Variants in MGARP observed in about 807,000 individuals in gnomAD.
MGARP encodes the protein mitochondria localized glutamic acid rich protein, also known as protein MGARP.
MGARP carries 12 observed loss-of-function variants against 11.0 expected under a neutral mutation model. That is an observed-to-expected ratio of 1.09 (90% CI 0.70 to 1.77). MGARP has a LOEUF of 1.77. Among genes scored for constraint, MGARP ranks in the 40% most tolerant of loss-of-function variants. The probability of loss-of-function intolerance (pLI) is 0.00; values close to 1 mark genes in which losing one functional copy is unlikely to be tolerated. For missense variants in MGARP, 283 were observed against 297.8 expected (o/e 0.95, Z 0.36); for synonymous variants, 110 against 115.4 (o/e 0.95, Z 0.30).
intron 2 of MGARP, among the ~76,000 whole-genome samples, chr4:139,269,209 A>G (rs1160064936): frequency 4.6e-5 from 7 of 152,022 alleles, no homozygotes; most frequent in African/African-American, 1.7e-4. Context: ...GAATTATGCT[A>G]CAACCAGAAT....
chr4:139,273,517 T>C (rs1026671495), intron 2 of MGARP, among the ~76,000 whole-genome samples: 1 of 146,446 alleles, frequency 6.8e-6, no homozygotes, highest in African/African-American at 2.5e-5. Context: ...ATTCTTTTTT[T>C]TTTTTTTTTT....
At chr4:139,275,218 G>T (rs980866902) in intron 2 of MGARP, 71 bp downstream of exon 2, 31 of 1,222,712 alleles carry the variant, frequency 2.5e-5, no homozygotes, top group Non-Finnish European at 3.7e-5. Flanking sequence ...TGATCTTGAC[G>T]TTGCTTTGAG....
At chr4:139,274,648 A>T (rs1744840516) in intron 2 of MGARP, among the ~76,000 whole-genome samples, 1 of 151,882 alleles carries the variant, frequency 6.6e-6, no homozygotes, top group Non-Finnish European at 1.5e-5. Flanking sequence ...CATGCTGGCT[A>T]ATTTCTGCAT....
chr4:139,275,224 T>G, intron 2 of MGARP, 65 bp downstream of exon 2: 2 of 1,358,574 alleles, frequency 1.5e-6, no homozygotes, highest in Non-Finnish European at 2.1e-6. Flanking sequence ...TGACGTTGCT[T>G]TGAGCTTTAC....
At position 139,272,759 on chromosome 4, in the gene MGARP, T is replaced by C. The variant is rs745611728; in HGVS notation, c.186+2530A>G. Among the ~76,000 whole-genome samples, 5 of 143,734 alleles carry C rather than the reference T, an allele frequency of 3.5e-5. 1 individual carries two copies. Among genetic ancestry groups the C allele is most frequent in the Non-Finnish European group, 7.5e-5 (5 of 66,464 alleles). 94.3% of individuals were successfully genotyped at this position (143,734 alleles called of 152,430 possible). On this transcript the variant is annotated intron_variant, in intron 2 of 3. Coordinates refer to ENST00000398955, the MANE Select transcript of MGARP (RefSeq NM_032623.4). The stretch of plus-strand genomic sequence containing the variant: ...CTGAGTGCAGTGGTGCAATCTTGGC[T>C]CACTGCAACCTCCGCCTCCCCGGTT...
At chr4:139,276,278 G>A (rs1744872304) in intron 1 of MGARP, among the ~76,000 whole-genome samples, 1 of 152,164 alleles carries the variant, frequency 6.6e-6, no homozygotes, top group African/African-American at 2.4e-5. Context: ...AGACAGATAA[G>A]GTCCCTAGTC....
chr4:139,266,914 T>A lies in MGARP; in HGVS notation c.408A>T (p.Ala136=), dbSNP rs1250141564. 3 of 1,614,090 alleles carry A rather than the reference T, an allele frequency of 1.9e-6. No homozygotes were observed. The highest frequency in any genetic ancestry group is 2.5e-6 in the Non-Finnish European group (3 of 1,180,046). ...CCTCCACGTGACCTGGACAGGCAGA[T>A]GCCTCTTTTATGACCACAACTGTAG... is the stretch of plus-strand genomic sequence containing the variant. The part of the protein sequence containing the change: ...PSATVVVIKE[A]SACPGHVEAA... The change falls in exon 4 of 4, where the codon GCA becomes GCT. Residue 136 remains alanine, a synonymous_variant. Transcript: ENST00000398955.
Position 139,268,746 on chromosome 4 carries a change from G to C in MGARP, c.206C>G (p.Ser69Ter), listed in dbSNP as rs1744733765. The C allele has an allele frequency of 6.2e-7, 1 of 1,609,878 alleles. No individual in the cohort carries two copies. Among genetic ancestry groups the C allele is most frequent in the Non-Finnish European group, 8.5e-7 (1 of 1,178,414 alleles). Residue 69 changes from serine (S) to a stop codon, truncating the protein, a stop_gained, in exon 3 of 4, where the codon TCA (serine) becomes TGA (stop). Transcript: ENST00000398955. LOFTEE classifies it high-confidence loss of function. ...ATGTTCTGTGTGTTTGGCTTGGTCT[G>C]ATGTGACTGTCTTGTAAGCCTGAAA... Reference protein sequence around the residue: ...GGYYAYKTVTSDQAKHTEHKT... With the variant: ...GGYYAYKTVT
chr4:139,269,156 A>G (rs1156816237), intron 2 of MGARP, among the ~76,000 whole-genome samples: 2 of 152,342 alleles, frequency 1.3e-5, no homozygotes, highest in South Asian at 4.1e-4. Flanking sequence ...AAATAGATGC[A>G]CTATCTTAGC....
intron 2 of MGARP, among the ~76,000 whole-genome samples, chr4:139,271,879 G>C (rs961102240): frequency 3.9e-5 from 6 of 152,164 alleles, no homozygotes; most frequent in African/African-American, 1.4e-4. Flanking sequence ...AGGGATGGCT[G>C]GTTTATAAAT....
chr4:139,271,426 C>T (rs533963242), intron 2 of MGARP, among the ~76,000 whole-genome samples: 4 of 151,956 alleles, frequency 2.6e-5, no homozygotes, highest in South Asian at 2.1e-4. Flanking sequence ...CTCAGGGGGC[C>T]GAGGCAGGAG....
chr4:139,274,400 T>C (rs1368738433), intron 2 of MGARP, among the ~76,000 whole-genome samples: 1 of 152,070 alleles, frequency 6.6e-6, no homozygotes, highest in Non-Finnish European at 1.5e-5. Flanking sequence ...TATATGGAAG[T>C]TTCTGTACTT....
chr4:139,273,058 T>G (rs538597032), intron 2 of MGARP, among the ~76,000 whole-genome samples: 3 of 152,092 alleles, frequency 2.0e-5, no homozygotes, highest in African/African-American at 7.2e-5. Flanking sequence ...GAATTTCTGC[T>G]TATTCTACTT....
intron 3 of MGARP, 108 bp from the exon 4 acceptor site, chr4:139,267,149 T>A: frequency 9.6e-7 from 1 of 1,039,022 alleles, no homozygotes; most frequent in Non-Finnish European, 1.4e-6. Flanking sequence ...CACTGATGTG[T>A]AACAGTCTTC....
chr4:139,272,400 CA>C (rs1222137124), intron 2 of MGARP, among the ~76,000 whole-genome samples: 7 of 149,802 alleles, frequency 4.7e-5, no homozygotes, highest in African/African-American at 7.3e-5. Flanking sequence ...ACTAAAAATA[CA>C]AAAAAAAATT....
intron 1 of MGARP, among the ~76,000 whole-genome samples, chr4:139,278,703 C>A (rs1744911396): frequency 6.6e-6 from 1 of 152,168 alleles, no homozygotes; most frequent in African/African-American, 2.4e-5. Flanking sequence ...CTCAACAGAA[C>A]AGTCCCGTTA....
At chr4:139,273,519 T>G (rs141624620) in intron 2 of MGARP, among the ~76,000 whole-genome samples, 1 of 147,364 alleles carries the variant, frequency 6.8e-6, no homozygotes, top group East Asian at 2.0e-4. Flanking sequence ...TCTTTTTTTT[T>G]TTTTTTTTTT....
At chr4:139,280,031 A>C (rs1266191481) in intron 1 of MGARP, 46 bp downstream of exon 1, 3 of 1,598,150 alleles carry the variant, frequency 1.9e-6, no homozygotes, top group Non-Finnish European at 2.6e-6. Context: ...CGAAATCTGC[A>C]CCCGAGGCGC....
chr4:139,273,668 C>T (rs1308188224), intron 2 of MGARP, among the ~76,000 whole-genome samples: 1 of 151,996 alleles, frequency 6.6e-6, no homozygotes. Flanking sequence ...GCACCTGCCA[C>T]CATGCCTGGC....
Sources: gnomAD v4.1 joint callset for allele counts (sites outside exome capture counted in the v4.1 genomes callset) on GRCh38, gnomAD v4.1.1 for gene constraint, MANE v1.5 for transcripts, NCBI Gene and HGNC (gene_info 2026-07-23, HGNC 2026-07-21) for gene names.